Variants in SNX9 observed in about 807,000 individuals in gnomAD.
The protein encoded by SNX9 is sorting nexin 9.
Under a neutral mutation model 89.4 loss-of-function variants are expected in SNX9, and 44 were observed. The ratio of observed to expected loss-of-function variants is 0.49; its 90% CI spans 0.39 to 0.63. SNX9 has a LOEUF of 0.63. Ranked by LOEUF, SNX9 falls within the 30% of genes least tolerant of loss-of-function variation. The pLI is 0.00. For missense variants in SNX9, 578 were observed against 736.1 expected, an observed-to-expected ratio of 0.79 and a Z score of 2.49; for synonymous variants, 236 against 247.8, an observed-to-expected ratio of 0.95 and a Z score of 0.45.
chr6:157,896,311 T>C (rs550270152), intron 4 of SNX9, among the ~76,000 whole-genome samples: 1 of 152,364 alleles, frequency 6.6e-6, no homozygotes, highest in Admixed American at 6.5e-5. Context: ...TTAAAAAGCC[T>C]ACTTAAAAAT....
chr6:157,858,511 C>T (rs766989291), intron 1 of SNX9, among the ~76,000 whole-genome samples: 5 of 152,080 alleles, frequency 3.3e-5, no homozygotes, highest in Non-Finnish European at 5.9e-5. Context: ...TGTGAGCCAC[C>T]ATGCCCGGCC....
intron 7 of SNX9, among the ~76,000 whole-genome samples, chr6:157,907,789 A>G (rs1398423873): frequency 6.6e-6 from 1 of 152,014 alleles, no homozygotes; most frequent in Non-Finnish European, 1.5e-5. Flanking sequence ...AGCAGAGACT[A>G]ACTCTTTGCT....
intron 12 of SNX9, among the ~76,000 whole-genome samples, chr6:157,928,987 A>T (rs1365057001): frequency 1.3e-5 from 2 of 152,162 alleles, no homozygotes; most frequent in African/African-American, 4.8e-5. Flanking sequence ...TCATTTTTGC[A>T]TGTTTTCAGA....
At chr6:157,841,955 C>A (rs1052768024) in intron 1 of SNX9, among the ~76,000 whole-genome samples, 1 of 152,156 alleles carries the variant, frequency 6.6e-6, no homozygotes, top group Non-Finnish European at 1.5e-5. Context: ...CCACAGTGAT[C>A]CTGGCCCGTT....
chr6:157,864,932 G>A (rs1018217532), intron 1 of SNX9, among the ~76,000 whole-genome samples: 1 of 152,214 alleles, frequency 6.6e-6, no homozygotes, highest in Non-Finnish European at 1.5e-5. Flanking sequence ...GGAGGCTGAG[G>A]CAGGAGAATT....
intron 1 of SNX9, among the ~76,000 whole-genome samples, chr6:157,855,913 GT>G (rs895606780): frequency 5.3e-5 from 8 of 151,912 alleles, no homozygotes; most frequent in African/African-American, 1.5e-4. Flanking sequence ...ATATTTTTTT[GT>G]TTTTTTGTAT....
At chr6:157,888,998 C>G (rs1176295811) in intron 4 of SNX9, among the ~76,000 whole-genome samples, 1 of 151,954 alleles carries the variant, frequency 6.6e-6, no homozygotes, top group African/African-American at 2.4e-5. Flanking sequence ...TGTAAAAATT[C>G]AAGAGGAAGG....
chr6:157,923,543 A>G (rs1783627172), intron 10 of SNX9, among the ~76,000 whole-genome samples: 1 of 152,246 alleles, frequency 6.6e-6, no homozygotes, highest in Admixed American at 6.5e-5. Flanking sequence ...TTATTGAGAA[A>G]AATAATAGAA....
chr6:157,834,150 GTT>G (rs561509955), intron 1 of SNX9, among the ~76,000 whole-genome samples: 3 of 35,644 alleles, frequency 8.4e-5, no homozygotes, highest in African/African-American at 1.2e-4. Flanking sequence ...GTCCACTGTG[GTT>G]TTTTTTTTTT....
Position 157,865,353 on chromosome 6 carries a change from A to C in SNX9, c.13-2194A>C, listed in dbSNP as rs188176193. On this transcript the variant is annotated intron_variant, in intron 1 of 17. Transcript: ENST00000392185. ...AAACAGTCTCAGGAAAAAAAAAAAA[A>C]AAAAAACACCACATAACATGACAAG... Among the ~76,000 whole-genome samples the C allele has an allele frequency of 4.1e-3, 630 of 151,920 alleles. 6 individuals carry two copies. The highest frequency in any genetic ancestry group is 0.014 in the African/African-American group (597 of 41,414).
intron 17 of SNX9, among the ~76,000 whole-genome samples, chr6:157,941,248 C>G (rs1454266971): frequency 6.6e-6 from 1 of 152,084 alleles, no homozygotes; most frequent in Non-Finnish European, 1.5e-5. Context: ...AGCTCCTTCC[C>G]CCCGTCACAG....
intron 4 of SNX9, among the ~76,000 whole-genome samples, chr6:157,877,885 T>A (rs1309807594): frequency 6.6e-6 from 1 of 152,196 alleles, no homozygotes; most frequent in Non-Finnish European, 1.5e-5. Context: ...AGCCCCACAT[T>A]CAGTTGGTTA....
At chr6:157,872,508 T>C (rs1462420737) in intron 2 of SNX9, 1 of 152,290 alleles carries the variant, frequency 6.6e-6, no homozygotes, top group Non-Finnish European at 1.5e-5. Flanking sequence ...TGGACCCTGC[T>C]GGGGACTGAC....
chr6:157,917,292 CTATTA>C (rs1783492133), intron 9 of SNX9, among the ~76,000 whole-genome samples: 1 of 151,426 alleles, frequency 6.6e-6, no homozygotes, highest in South Asian at 2.1e-4. Flanking sequence ...TTTCTCTTTT[CTATTA>C]TATTGTTTCT....
At chr6:157,876,695 T>G (rs565381764) in intron 4 of SNX9, among the ~76,000 whole-genome samples, 1 of 152,358 alleles carries the variant, frequency 6.6e-6, no homozygotes, top group East Asian at 1.9e-4. Flanking sequence ...CTGTGAAACG[T>G]GAATAGTAGT....
rs1173887333 is a variant in SNX9, at chr6:157,894,465, T to TAAAA, written c.301-2344_301-2341dup. Reference sequence around the variant, plus strand: ...CCAGACAGATACAAGATTTAAATGTTAAAAAAAAAAAAAAAAAAAAAGCTA... The same window carrying TAAAA: ...CCAGACAGATACAAGATTTAAATGTTAAAAAAAAAAAAAAAAAAAAAAAAAGCTA... On this transcript the variant is annotated intron_variant, in intron 4 of 17. Transcript: ENST00000392185. Among the ~76,000 whole-genome samples the TAAAA allele has an allele frequency of 6.0e-3, 605 of 100,652 alleles. 5 individuals are homozygous for TAAAA. The highest frequency in any genetic ancestry group is 0.023 in the African/African-American group (583 of 25,840). The allele number at this position is 100,652 out of a possible 152,430, so 66.0% of individuals were successfully genotyped here.
chr6:157,854,953 TAAAAA>T (rs538405265), intron 1 of SNX9, among the ~76,000 whole-genome samples: 1 of 129,318 alleles, frequency 7.7e-6, no homozygotes, highest in Non-Finnish European at 1.7e-5. Context: ...AGGTTCATGT[TAAAAA>T]AAAAAAAAAA....
chr6:157,927,719 T>C (rs1458817061), intron 11 of SNX9, among the ~76,000 whole-genome samples: 1 of 63,502 alleles, frequency 1.6e-5, no homozygotes. Context: ...AATTTTAAGC[T>C]TTTTTTTTTT....
intron 1 of SNX9, among the ~76,000 whole-genome samples, chr6:157,828,440 T>G (rs1348871946): frequency 6.6e-6 from 1 of 152,226 alleles, no homozygotes; most frequent in East Asian, 1.9e-4. Flanking sequence ...CTGTTCTCCC[T>G]TGTCCTTCCC....
Sources: gnomAD v4.1 joint callset for allele counts (sites outside exome capture counted in the v4.1 genomes callset) on GRCh38, gnomAD v4.1.1 for gene constraint, MANE v1.5 for transcripts, NCBI Gene and HGNC (gene_info 2026-07-23, HGNC 2026-07-21) for gene names.